Variants in NYAP2 observed in about 807,000 individuals in gnomAD.
NYAP2 encodes the protein neuronal tyrosine-phosphorylated phosphoinositide-3-kinase adaptor 2, also known as neuronal tyrosine-phosphorylated phosphoinositide-3-kinase adapter 2.
Under a neutral mutation model 50.4 loss-of-function variants are expected in NYAP2, and 23 were observed. The ratio of observed to expected loss-of-function variants is 0.46; its 90% CI spans 0.33 to 0.65. The LOEUF (loss-of-function observed/expected upper bound fraction) is 0.65. Ranked by LOEUF, NYAP2 falls within the 30% of genes least tolerant of loss-of-function variation. The pLI is 0.02. For synonymous variants in NYAP2, 394 were observed against 365.2 expected, an observed-to-expected ratio of 1.08 and a Z score of -0.90; for missense variants, 885 against 861.0, an observed-to-expected ratio of 1.03 and a Z score of -0.35.
At chr2:225,434,116 G>A (rs1349339047) in intron 3 of NYAP2, among the ~76,000 whole-genome samples, 2 of 152,160 alleles carry the variant, frequency 1.3e-5, no homozygotes. Flanking sequence ...AGAAGAGTTA[G>A]GAAGGAGAAC....
intron 2 of NYAP2, among the ~76,000 whole-genome samples, chr2:225,401,758 G>A (rs1205113116): frequency 6.6e-6 from 1 of 151,688 alleles, no homozygotes; most frequent in East Asian, 1.9e-4. Context: ...TTTCATATCT[G>A]GAAAAACTAT....
the NYAP2 span, among the ~76,000 whole-genome samples, chr2:225,675,817 A>AT: frequency 7.2e-5 from 11 of 152,146 alleles, no homozygotes; most frequent in Non-Finnish European, 1.3e-4. Context: ...TAGTTTTGTG[A>AT]TTTTTTAATA....
intron 3 of NYAP2, among the ~76,000 whole-genome samples, chr2:225,458,217 T>C (rs763822794): frequency 1.3e-5 from 2 of 152,142 alleles, no homozygotes; most frequent in East Asian, 3.9e-4. Flanking sequence ...GTACTACAGG[T>C]GGCAAACACG....
At chr2:225,459,336 T>C (rs1033665467) in intron 3 of NYAP2, among the ~76,000 whole-genome samples, 1 of 152,222 alleles carries the variant, frequency 6.6e-6, no homozygotes, top group African/African-American at 2.4e-5. Flanking sequence ...GGATGTCTTG[T>C]TGGTGTTTGT....
intron 5 of NYAP2, among the ~76,000 whole-genome samples, chr2:225,589,152 T>G (rs1051264139): frequency 6.6e-6 from 1 of 151,944 alleles, no homozygotes; most frequent in Non-Finnish European, 1.5e-5. Flanking sequence ...AGAAGCAGCC[T>G]CTCAACTAAT....
intron 3 of NYAP2, among the ~76,000 whole-genome samples, chr2:225,414,407 G>C (rs1323889796): frequency 2.0e-5 from 3 of 152,148 alleles, no homozygotes; most frequent in Non-Finnish European, 4.4e-5. Context: ...TGCAGGCACT[G>C]TTAAATGAGA....
At chr2:225,523,793 A>G (rs1691107438) in intron 4 of NYAP2, among the ~76,000 whole-genome samples, 1 of 152,080 alleles carries the variant, frequency 6.6e-6, no homozygotes, top group African/African-American at 2.4e-5. Context: ...GGGAGATCAC[A>G]TTATCTGACT....
At chr2:225,669,765 T>C in the NYAP2 span, among the ~76,000 whole-genome samples, 1 of 152,066 alleles carries the variant, frequency 6.6e-6, no homozygotes, top group Non-Finnish European at 1.5e-5. Context: ...TAGTAGAAAA[T>C]GTGTAATTGT....
chr2:225,628,324 T>G (rs187911046), intron 6 of NYAP2, among the ~76,000 whole-genome samples: 2,635 of 146,272 alleles, frequency 0.018, 89 homozygotes, highest in African/African-American at 0.062. Flanking sequence ...AGTTTTTTTT[T>G]TTTTTTTTTT....
chr2:225,542,112 T>C (rs1204213055), intron 4 of NYAP2, among the ~76,000 whole-genome samples: 3 of 152,194 alleles, frequency 2.0e-5, no homozygotes, highest in Non-Finnish European at 4.4e-5. Context: ...CTGATTTTTG[T>C]ATGTTCATTT....
intron 4 of NYAP2, among the ~76,000 whole-genome samples, chr2:225,541,755 A>T (rs1246591794): frequency 6.6e-6 from 1 of 152,076 alleles, no homozygotes; most frequent in Non-Finnish European, 1.5e-5. Flanking sequence ...TTTGCTTGAG[A>T]TAGCTTTAGC....
chr2:225,515,061 C>T (rs1464479263), intron 4 of NYAP2, among the ~76,000 whole-genome samples: 1 of 152,208 alleles, frequency 6.6e-6, no homozygotes, highest in African/African-American at 2.4e-5. Flanking sequence ...TCCTTCCTCT[C>T]TCATTGGTGT....
At chr2:225,410,837 A>C (rs1695026729) in intron 3 of NYAP2, among the ~76,000 whole-genome samples, 1 of 152,126 alleles carries the variant, frequency 6.6e-6, no homozygotes, top group Non-Finnish European at 1.5e-5. Context: ...AGAGGACTAA[A>C]GTCCAAGGGA....
At chr2:225,677,438 C>T in the NYAP2 span, among the ~76,000 whole-genome samples, 1 of 152,038 alleles carries the variant, frequency 6.6e-6, no homozygotes, top group Non-Finnish European at 1.5e-5. Context: ...CTAGGACTTC[C>T]AGTACTGTGT....
intron 3 of NYAP2, among the ~76,000 whole-genome samples, chr2:225,460,886 G>T (rs537340311): frequency 2.6e-5 from 4 of 151,510 alleles, no homozygotes; most frequent in Non-Finnish European, 4.4e-5. Flanking sequence ...CCAGCTACTC[G>T]GGAGGCTGAC....
chr2:225,652,373 C>T (rs1693747792), exon 7 of NYAP2: 1 of 152,090 alleles, frequency 6.6e-6, no homozygotes, highest in African/African-American at 2.4e-5. Flanking sequence ...TCAATTATCA[C>T]TTGGAGAAAA....
chr2:225,491,749 T>C (rs1690410810), intron 3 of NYAP2, among the ~76,000 whole-genome samples: 1 of 152,226 alleles, frequency 6.6e-6, no homozygotes, highest in African/African-American at 2.4e-5. Flanking sequence ...GCAGGAGACA[T>C]TTCCAGATTG....
intron 3 of NYAP2, among the ~76,000 whole-genome samples, chr2:225,462,933 C>G (rs987198928): frequency 2.0e-5 from 3 of 152,204 alleles, no homozygotes; most frequent in Non-Finnish European, 4.4e-5. Context: ...TATCTGGTGT[C>G]TATGTACTAA....
At chr2:225,408,120 T>G (rs933086499) in intron 2 of NYAP2, among the ~76,000 whole-genome samples, 3 of 151,948 alleles carry the variant, frequency 2.0e-5, no homozygotes, top group African/African-American at 7.2e-5. Context: ...AATTTTGGTT[T>G]CTCAGTAATC....
Sources: gnomAD v4.1 joint callset for allele counts (sites outside exome capture counted in the v4.1 genomes callset) on GRCh38, gnomAD v4.1.1 for gene constraint, MANE v1.5 for transcripts, NCBI Gene and HGNC (gene_info 2026-07-23, HGNC 2026-07-21) for gene names.